Variants in SMC5 observed in about 807,000 individuals in gnomAD.
SMC5 encodes the protein structural maintenance of chromosomes 5.
Under a neutral mutation model 148.3 loss-of-function variants are expected in SMC5, and 88 were observed. The ratio of observed to expected loss-of-function variants is 0.59; its 90% CI spans 0.50 to 0.71. SMC5 has a LOEUF of 0.71. Among genes scored for constraint, SMC5 ranks in the 30% least tolerant of loss-of-function variants. SMC5 has a pLI of 0.00. For synonymous variants in SMC5, 421 were observed against 432.8 expected (o/e 0.97, Z 0.34); for missense variants, 1,142 against 1,298.9 (o/e 0.88, Z 1.86).
At chr9:70,291,114 G>A (rs2035047356) in intron 8 of SMC5, among the ~76,000 whole-genome samples, 2 of 145,696 alleles carry the variant, frequency 1.4e-5, no homozygotes, top group South Asian at 2.3e-4. Flanking sequence ...GTGTTTGTTT[G>A]TTTAGTGACT....
Position 70,277,407 on chromosome 9 carries a change from A to G in SMC5, c.478A>G (p.Ile160Val), listed in dbSNP as rs1303011038. ...FINKKSTTQK[I>V]VEEKVAALNI... The stretch of plus-strand genomic sequence containing the variant: ...CAACAAAAAATCTACAACCCAGAAA[A>G]TAGTGGAAGAGAAAGTTGCAGCCTT... Residue 160 changes from isoleucine to valine, a missense_variant, in exon 4 of 25, where the codon ATA (isoleucine) becomes GTA (valine). Physicochemically the swap from Ile to Val is conservative, Grantham distance 29 (BLOSUM62 3). This residue lies in a region of SMC5 where 297 missense variants were observed against 302.6 expected (regional missense o/e 0.98). Transcript: ENST00000361138. 1.7e-5 allele frequency: 28 copies of G among 1,605,564 alleles called. No homozygotes were observed. Among genetic ancestry groups the G allele is most frequent in the Middle Eastern group, 3.3e-4 (2 of 6,058 alleles).
At chr9:70,291,845 A>AT (rs139826418) in intron 8 of SMC5, among the ~76,000 whole-genome samples, 3,345 of 145,074 alleles carry the variant, frequency 0.023, 96 homozygotes, top group African/African-American at 0.07. Context: ...AAGTAATTGC[A>AT]TTTTTTTTTT....
intron 10 of SMC5, among the ~76,000 whole-genome samples, chr9:70,303,313 T>A (rs534061363): frequency 3.3e-5 from 5 of 152,214 alleles, no homozygotes; most frequent in African/African-American, 7.2e-5. Context: ...ATAATTATAT[T>A]TTTTTTAAAA....
At chr9:70,293,300 C>G (rs1384466139) in intron 8 of SMC5, among the ~76,000 whole-genome samples, 1 of 151,986 alleles carries the variant, frequency 6.6e-6, no homozygotes, top group Admixed American at 6.6e-5. Flanking sequence ...AGTGATAACC[C>G]TATTTCATTC....
chr9:70,346,499 A>T, intron 18 of SMC5, 106 bp from the exon 19 acceptor site: 3 of 1,076,370 alleles, frequency 2.8e-6, no homozygotes, highest in South Asian at 2.8e-5. Flanking sequence ...CAAAGTAATT[A>T]GATTCTCAGG....
intron 17 of SMC5, among the ~76,000 whole-genome samples, chr9:70,342,396 TAAA>T (rs2036552781): frequency 6.6e-6 from 1 of 151,846 alleles, no homozygotes; most frequent in African/African-American, 2.4e-5. Flanking sequence ...GTAATAATAA[TAAA>T]ATAATAAATA....
chr9:70,316,591 G>T (rs966383389), intron 13 of SMC5, among the ~76,000 whole-genome samples: 1 of 152,030 alleles, frequency 6.6e-6, no homozygotes, highest in African/African-American at 2.4e-5. Flanking sequence ...CATATGCATA[G>T]ACCAAACCAA....
intron 11 of SMC5, chr9:70,311,110 TC>T (rs2035644718): frequency 6.6e-6 from 1 of 152,212 alleles, no homozygotes; most frequent in Admixed American, 6.5e-5. Context: ...CAAGAACTCT[TC>T]CTTTGCATTC....
At chr9:70,322,733 G>A (rs1313862947) in intron 15 of SMC5, among the ~76,000 whole-genome samples, 1 of 152,094 alleles carries the variant, frequency 6.6e-6, no homozygotes, top group African/African-American at 2.4e-5. Context: ...CTTCTCGGGA[G>A]GCTGAGGCAG....
chr9:70,350,296 A>G lies in SMC5; in HGVS notation c.3069+3A>G. On this transcript the variant is annotated splice_donor_region_variant and intron_variant, in intron 23 of 24. Coordinates refer to ENST00000361138, the MANE Select transcript of SMC5 (RefSeq NM_015110.4). ...GAGTAGTTGATGAAATCAATCAGGT[A>G]TGGTGATTGTTCTGTTACTTGGATC... 1.9e-6 allele frequency: 3 copies of G among 1,612,486 alleles called. No individual in the cohort carries two copies. The highest frequency in any genetic ancestry group is 2.5e-6 in the Non-Finnish European group (3 of 1,179,302).
intron 10 of SMC5, among the ~76,000 whole-genome samples, chr9:70,304,172 T>C (rs549715647): frequency 6.6e-6 from 1 of 152,248 alleles, no homozygotes; most frequent in East Asian, 1.9e-4. Context: ...CACTGTAACT[T>C]CAAACTCCTG....
At chr9:70,269,452 C>T (rs2034385278) in intron 3 of SMC5, among the ~76,000 whole-genome samples, 1 of 151,972 alleles carries the variant, frequency 6.6e-6, no homozygotes. Context: ...CCTGGCTGCG[C>T]ACCTGTAGTC....
intron 8 of SMC5, among the ~76,000 whole-genome samples, chr9:70,290,675 G>A (rs2118291279): frequency 6.6e-6 from 1 of 151,972 alleles, no homozygotes; most frequent in East Asian, 1.9e-4. Flanking sequence ...TATCTTGTAG[G>A]GGAGGTTTCT....
At chr9:70,278,687 G>C in intron 5 of SMC5, 62 bp downstream of exon 5, 1 of 1,491,832 alleles carries the variant, frequency 6.7e-7, no homozygotes. Context: ...TCAGAACATG[G>C]GAGAGAGAGT....
chr9:70,318,718 G>A (rs2035871495), intron 14 of SMC5, 31 bp downstream of exon 14: 1 of 1,563,022 alleles, frequency 6.4e-7, no homozygotes, highest in African/African-American at 1.4e-5. Context: ...TGTTAGAAAA[G>A]AATATTAACT....
chr9:70,294,683 TG>T (rs2118340026), intron 8 of SMC5, among the ~76,000 whole-genome samples: 1 of 152,240 alleles, frequency 6.6e-6, no homozygotes, highest in South Asian at 2.1e-4. Flanking sequence ...TGGTATGATT[TG>T]GGGGGCTTTA....
In SMC5 at chr9:70,315,533, T is replaced by G. The variant is rs2118575624; in HGVS notation, c.1761T>G (p.His587Gln). Residue 587 changes from histidine to glutamine, a missense_variant, in exon 13 of 25, where the codon CAT (histidine) becomes CAG (glutamine). Around this residue, in one of 5 missense-constraint regions of SMC5, gnomAD observed 743 missense variants for 835.7 expected, o/e 0.89. Transcript: ENST00000361138. ...ACCTTTGCTGTCAGTATCATATTCA[T>G]GAAGTTCCTGTAGGAACTGAAAAGA... is the stretch of plus-strand genomic sequence containing the variant. ...MSYLCCQYHIHEVPVGTEKTR... is the reference protein window; with the variant it reads ...MSYLCCQYHIQEVPVGTEKTR... 6.3e-7 allele frequency: 1 copy of G among 1,596,716 alleles called. No homozygotes were observed. The highest frequency in any genetic ancestry group is 8.5e-7 in the Non-Finnish European group (1 of 1,169,846).
chr9:70,328,828 T>G (rs543212449), intron 17 of SMC5, among the ~76,000 whole-genome samples: 1 of 152,364 alleles, frequency 6.6e-6, no homozygotes, highest in East Asian at 1.9e-4. Flanking sequence ...TGCAGCAGAC[T>G]TCTGCCTGGA....
At chr9:70,326,155 C>G (rs1371073636) in intron 17 of SMC5, among the ~76,000 whole-genome samples, 2 of 151,922 alleles carry the variant, frequency 1.3e-5, no homozygotes, top group Non-Finnish European at 2.9e-5. Context: ...AAGTAAATTC[C>G]AACACTGTGC....
Sources: allele counts gnomAD v4.1 joint callset (sites outside exome capture counted in the v4.1 genomes callset), GRCh38; gene constraint gnomAD v4.1.1; regional missense constraint gnomAD v4.1.1; transcripts MANE v1.5; gene names NCBI Gene and HGNC (gene_info 2026-07-23, HGNC 2026-07-21).